The following PATJ variants were observed in gnomAD, a reference collection of about 807,000 sequenced individuals.
The protein encoded by PATJ is inaD-like protein.
A neutral mutation model predicts 224.9 loss-of-function variants in PATJ; 190 were observed. That is an observed-to-expected ratio of 0.84 (90% CI 0.75 to 0.95). The LOEUF (loss-of-function observed/expected upper bound fraction) is 0.95, where lower values mean the gene tolerates loss of function less well. Ranked by LOEUF, PATJ falls within the 40% of genes least tolerant of loss-of-function variation. The probability of loss-of-function intolerance (pLI) is 0.00; values close to 1 mark genes in which losing one functional copy is unlikely to be tolerated. For missense variants in PATJ, 2,121 were observed against 2,270.3 expected (o/e 0.93, Z 1.34); for synonymous variants, 769 against 820.3 (o/e 0.94, Z 1.07).
At chr1:61,803,135 C>A (rs891564982) in intron 12 of PATJ, among the ~76,000 whole-genome samples, 11 of 152,166 alleles carry the variant, frequency 7.2e-5, no homozygotes, top group South Asian at 2.1e-4. Flanking sequence ...CCATAATGTT[C>A]ATTTTTTTAT....
At chr1:62,078,477 G>C (rs888172435) in intron 31 of PATJ, among the ~76,000 whole-genome samples, 2 of 151,910 alleles carry the variant, frequency 1.3e-5, no homozygotes, top group Non-Finnish European at 2.9e-5. Context: ...GTAGAGATGG[G>C]GTTTCACCAT....
Position 62,161,004 on chromosome 1 carries a change from G to A in PATJ, c.5599G>A (p.Ala1867Thr), listed in dbSNP as rs991501870. The change falls in exon 44 of 44, where the codon GCC becomes ACC. Residue 1867 changes from alanine to threonine, a missense_variant. Coordinates refer to ENST00000642238, the MANE Select transcript of PATJ (RefSeq NM_001350145.3). ...LEGVTHEQAV[A>T]ILKHQRGTVT... is the part of the protein sequence containing the mutation. The stretch of plus-strand genomic sequence containing the variant: ...AGGTGTTACTCATGAGCAAGCAGTC[G>A]CCATTCTAAAACACCAGAGAGGGAC... The A allele has an allele frequency of 4.5e-5, 72 of 1,608,236 alleles. No individual in the cohort carries two copies. Among genetic ancestry groups the A allele is most frequent in the South Asian group, 1.3e-4 (12 of 89,936 alleles).
rs1256285411 is a variant in PATJ, at chr1:62,106,095, C to T, written c.4378-2342C>T. 1.3e-3 allele frequency among the ~76,000 whole-genome samples: 93 copies of T among 73,682 alleles called. 3 individuals carry two copies. The East Asian group carries it at 0.052, about 41-fold the overall frequency. The allele number at this position is 73,682 out of a possible 152,430, so 48.3% of individuals were successfully genotyped here. On this transcript the variant is annotated intron_variant, in intron 33 of 43. Coordinates refer to ENST00000642238, the MANE Select transcript of PATJ (RefSeq NM_001350145.3). Reference sequence around the variant, plus strand: ...ATATATATATACACACACACACACACACACACACACACACACACACACACA... The same window carrying T: ...ATATATATATACACACACACACACATACACACACACACACACACACACACA...
chr1:62,111,834 G>A (rs1663856407), intron 34 of PATJ, among the ~76,000 whole-genome samples: 1 of 151,862 alleles, frequency 6.6e-6, no homozygotes, highest in Non-Finnish European at 1.5e-5. Context: ...CTAATTTTTT[G>A]TATTTTTAGT....
intron 31 of PATJ, among the ~76,000 whole-genome samples, chr1:62,059,104 C>T (rs1034987388): frequency 6.6e-6 from 1 of 152,120 alleles, no homozygotes; most frequent in African/African-American, 2.4e-5. Flanking sequence ...ACCTGTAGGT[C>T]CTCACGTCTG....
chr1:62,160,875 C>T, intron 43 of PATJ, 33 bp from the exon 44 acceptor site: 1 of 1,609,438 alleles, frequency 6.2e-7, no homozygotes, highest in Non-Finnish European at 8.5e-7. Context: ...TGTGTTTTAC[C>T]CTGGATTAAA....
chr1:61,939,675 GCTT>G (rs1677478891), intron 27 of PATJ, among the ~76,000 whole-genome samples: 1 of 67,652 alleles, frequency 1.5e-5, no homozygotes, highest in Non-Finnish European at 2.8e-5. Context: ...GTTTCTATGT[GCTT>G]TTTTTTTTTT....
intron 37 of PATJ, among the ~76,000 whole-genome samples, chr1:62,117,955 T>G (rs1450727988): frequency 2.6e-5 from 4 of 152,180 alleles, no homozygotes; most frequent in African/African-American, 9.7e-5. Flanking sequence ...TTTGGTCCCC[T>G]CCCTGGTTGC....
At chr1:62,119,652 C>T (rs1263398588) in intron 37 of PATJ, among the ~76,000 whole-genome samples, 1 of 152,034 alleles carries the variant, frequency 6.6e-6, no homozygotes, top group African/African-American at 2.4e-5. Context: ...CTTTTATAAA[C>T]GTCTTGGGGC....
At chr1:61,840,464 A>G (rs2148829026) in intron 17 of PATJ, among the ~76,000 whole-genome samples, 1 of 152,114 alleles carries the variant, frequency 6.6e-6, no homozygotes, top group South Asian at 2.1e-4. Context: ...CATTTTATAT[A>G]TACATGGTTA....
intron 21 of PATJ, among the ~76,000 whole-genome samples, chr1:61,879,862 A>G (rs1442585290): frequency 6.7e-6 from 1 of 149,978 alleles, no homozygotes; most frequent in Non-Finnish European, 1.5e-5. Context: ...CTTTTTAGAT[A>G]GAGTCTCACT....
At chr1:61,901,110 A>G (rs1671094650) in intron 23 of PATJ, among the ~76,000 whole-genome samples, 172 bp from the exon 24 acceptor site, 1 of 152,234 alleles carries the variant, frequency 6.6e-6, no homozygotes, top group African/African-American at 2.4e-5. Flanking sequence ...TTTGTTATGA[A>G]TTATTGATAA....
chr1:61,770,735 C>T (rs897217151), intron 5 of PATJ, among the ~76,000 whole-genome samples: 4 of 151,858 alleles, frequency 2.6e-5, no homozygotes, highest in Admixed American at 2.0e-4. Flanking sequence ...CATAGCAAAA[C>T]CCCATCTCTA....
chr1:62,072,699 A>C (rs2148694392), intron 31 of PATJ: 1 of 151,168 alleles, frequency 6.6e-6, no homozygotes, highest in South Asian at 2.1e-4. Flanking sequence ...GCCTGTGAAG[A>C]ACACACTGCG....
rs113384008 is a variant in PATJ, at chr1:61,802,079, C to T, written c.1549+310C>T. ...TTAGGTATTTCTCCTAATGTTCTCC[C>T]TCACCACTCCTCCCACCCCACGACA... On this transcript the variant is annotated intron_variant, in intron 12 of 43. Transcript: ENST00000642238. Among the ~76,000 whole-genome samples the T allele has an allele frequency of 8.8e-3, 1,332 of 152,102 alleles. 22 individuals carry two copies. Among genetic ancestry groups the T allele is most frequent in the African/African-American group, 0.03 (1,237 of 41,512 alleles).
intron 27 of PATJ, among the ~76,000 whole-genome samples, chr1:61,981,682 T>C (rs1644457556): frequency 6.6e-6 from 1 of 151,476 alleles, no homozygotes; most frequent in African/African-American, 2.4e-5. Flanking sequence ...TCTTTTTTTT[T>C]TTTTTTGGAG....
chr1:62,128,849 T>G lies in PATJ; in HGVS notation c.5175T>G (p.Asp1725Glu). ...CATTTTTGTACTTCCAGGTTGGAGA[T>G]CGGATTGTCAGCATTAACGGGCAAC... ...AARTQKLKVG[D>E]RIVSINGQPL... The change falls in exon 41 of 44, where the codon GAT (aspartate) becomes GAG (glutamate). Residue 1725 changes from aspartate to glutamate, a missense_variant. By Grantham distance (45) the Asp-to-Glu change is conservative. Transcript: ENST00000642238. 6.2e-7 allele frequency: 1 copy of G among 1,609,002 alleles called. No individual in the cohort carries two copies. Among genetic ancestry groups the G allele is most frequent in the Non-Finnish European group, 8.5e-7 (1 of 1,175,444 alleles).
In PATJ at chr1:61,898,522, G is replaced by A. The variant is rs867616996; in HGVS notation, c.3132-1061G>A. On this transcript the variant is annotated intron_variant, in intron 22 of 43. Transcript: ENST00000642238. ...CGAAGCACTGGGATTACAGCCATGA[G>A]CCACCACACCTGGCCAAGGGTTTTT... Among the ~76,000 whole-genome samples the A allele has an allele frequency of 1.1e-4, 16 of 152,162 alleles. No homozygotes were observed. In the Middle Eastern group the frequency reaches 0.014, roughly 129 times the overall value.
At chr1:61,987,075 C>T (rs114161919) in intron 27 of PATJ, among the ~76,000 whole-genome samples, 2,368 of 151,904 alleles carry the variant, frequency 0.016, 67 homozygotes, top group African/African-American at 0.054. Context: ...ATTGTGAATA[C>T]TGTGTTTCTT....
Sources: allele counts gnomAD v4.1 joint callset (sites outside exome capture counted in the v4.1 genomes callset), GRCh38; gene constraint gnomAD v4.1.1; transcripts MANE v1.5; gene names NCBI Gene and HGNC (gene_info 2026-07-23, HGNC 2026-07-21).